Variants in CHSY3 observed in about 807,000 individuals in gnomAD.
CHSY3 encodes N-acetylgalactosaminyl-proteoglycan 3-beta-glucuronosyltransferase 3.
Under a neutral mutation model 67.2 loss-of-function variants are expected in CHSY3, and 35 were observed. The ratio of observed to expected loss-of-function variants is 0.52; its 90% CI spans 0.40 to 0.69. The LOEUF is 0.69. Ranked by LOEUF, CHSY3 falls within the 30% of genes least tolerant of loss-of-function variation. The pLI is 0.00. For synonymous variants in CHSY3, 474 were observed against 434.7 expected, an observed-to-expected ratio of 1.09 and a Z score of -1.12; for missense variants, 1,069 against 1,138.5, an observed-to-expected ratio of 0.94 and a Z score of 0.88.
chr5:129,949,656 CAAGAA>C (rs1466303645), intron 2 of CHSY3, among the ~76,000 whole-genome samples: 2 of 152,004 alleles, frequency 1.3e-5, no homozygotes, highest in African/African-American at 4.8e-5. Flanking sequence ...GAGGACACTA[CAAGAA>C]AAGAAAACTA....
intron 2 of CHSY3, among the ~76,000 whole-genome samples, chr5:129,951,989 G>T (rs1762036443): frequency 6.6e-6 from 1 of 152,166 alleles, no homozygotes; most frequent in South Asian, 2.1e-4. Flanking sequence ...TAGGAAGAGG[G>T]AGCATCTATG....
chr5:130,028,937 C>A (rs1391415687), intron 2 of CHSY3, among the ~76,000 whole-genome samples: 1 of 151,588 alleles, frequency 6.6e-6, no homozygotes, highest in Admixed American at 6.6e-5. Context: ...GATTCCTCAC[C>A]ACCTCATATC....
At chr5:129,925,905 GTA>G (rs967685313) in intron 2 of CHSY3, among the ~76,000 whole-genome samples, 3 of 151,148 alleles carry the variant, frequency 2.0e-5, no homozygotes, top group African/African-American at 7.3e-5. Context: ...GTGTGTGCAT[GTA>G]TATATATATG....
intron 2 of CHSY3, among the ~76,000 whole-genome samples, chr5:130,077,486 CT>C (rs1412655135): frequency 6.6e-6 from 1 of 152,080 alleles, no homozygotes; most frequent in Admixed American, 6.6e-5. Flanking sequence ...GGACCTTTTC[CT>C]TATGGAGACG....
At chr5:129,977,806 G>A (rs1390819325) in intron 2 of CHSY3, among the ~76,000 whole-genome samples, 1 of 151,312 alleles carries the variant, frequency 6.6e-6, no homozygotes, top group Non-Finnish European at 1.5e-5. Context: ...AACATGTATG[G>A]AAATATTAAG....
At chr5:130,145,770 C>T (rs1255927062) in intron 2 of CHSY3, among the ~76,000 whole-genome samples, 2 of 151,384 alleles carry the variant, frequency 1.3e-5, no homozygotes, top group East Asian at 3.9e-4. Flanking sequence ...ACTAAATTAC[C>T]CCATTAAAAA....
chr5:129,912,392 C>T (rs931152696), intron 2 of CHSY3, among the ~76,000 whole-genome samples: 5 of 151,948 alleles, frequency 3.3e-5, no homozygotes, highest in African/African-American at 9.7e-5. Context: ...TCATGAACAC[C>T]CAGGGGCTTG....
intron 2 of CHSY3, among the ~76,000 whole-genome samples, chr5:130,003,039 T>C (rs116430873): frequency 1.7e-3 from 252 of 152,346 alleles, no homozygotes; most frequent in African/African-American, 5.9e-3. Context: ...ACTTCTCAGA[T>C]GACTTTCCTA....
At chr5:130,085,007 C>A (rs571059112) in intron 2 of CHSY3, among the ~76,000 whole-genome samples, 5 of 151,904 alleles carry the variant, frequency 3.3e-5, no homozygotes, top group African/African-American at 1.2e-4. Context: ...TTCATGTTAA[C>A]GCTGGTCAGC....
chr5:129,989,397 G>A lies in CHSY3; in HGVS notation c.1086+81037G>A, dbSNP rs1327952269. Among the ~76,000 whole-genome samples the A allele has an allele frequency of 5.9e-5, 9 of 151,882 alleles. No individual in the cohort carries two copies. In the South Asian group the frequency reaches 1.7e-3, roughly 28 times the overall value. On this transcript the variant is annotated intron_variant, in intron 2 of 2. Coordinates refer to ENST00000305031, the MANE Select transcript of CHSY3 (RefSeq NM_175856.5). The stretch of plus-strand genomic sequence containing the variant: ...CTGCCTCAGTCTCTCAAGTACCTGG[G>A]ATTACAGGCATGCACCACTGCCCCG...
chr5:130,115,085 T>G (rs1285039414), intron 2 of CHSY3, among the ~76,000 whole-genome samples: 1 of 98,596 alleles, frequency 1.0e-5, no homozygotes, highest in South Asian at 3.2e-4. Context: ...TGTTCAAAGG[T>G]TTTTTTTTTT....
chr5:130,028,488 C>T (rs1764614914), intron 2 of CHSY3, among the ~76,000 whole-genome samples: 1 of 152,150 alleles, frequency 6.6e-6, no homozygotes, highest in South Asian at 2.1e-4. Flanking sequence ...CCCTTCCTTA[C>T]ACCTTACACA....
intron 2 of CHSY3, among the ~76,000 whole-genome samples, chr5:129,911,956 T>C (rs1189386901): frequency 1.3e-5 from 2 of 152,102 alleles, no homozygotes; most frequent in Non-Finnish European, 2.9e-5. Context: ...CTTGGGAGGC[T>C]GAGGCAGGAG....
chr5:130,143,786 ATATATATATATATATATATGTGTG>A (rs1561557236), intron 2 of CHSY3, among the ~76,000 whole-genome samples: 287 of 28,036 alleles, frequency 0.01, 5 homozygotes, highest in East Asian at 0.06. Context: ...ATATATGTGT[ATATATATATATATATATATGTGTG>A]TATATATATA....
chr5:130,116,481 T>C (rs746840483), intron 2 of CHSY3, among the ~76,000 whole-genome samples: 51 of 152,256 alleles, frequency 3.3e-4, no homozygotes, highest in Admixed American at 7.9e-4. Flanking sequence ...GAAAGATTTG[T>C]GGGCAGTATT....
chr5:130,002,683 AGAT>A (rs1219624068), intron 2 of CHSY3, among the ~76,000 whole-genome samples: 1 of 152,224 alleles, frequency 6.6e-6, no homozygotes, highest in Middle Eastern at 3.2e-3. Flanking sequence ...TAACTATTTG[AGAT>A]GATGTCTATA....
intron 2 of CHSY3, among the ~76,000 whole-genome samples, chr5:130,126,472 A>T (rs1471359865): frequency 6.6e-6 from 1 of 152,054 alleles, no homozygotes; most frequent in African/African-American, 2.4e-5. Flanking sequence ...AATAGTGTCC[A>T]TTTGTCTTTT....
intron 2 of CHSY3, among the ~76,000 whole-genome samples, chr5:130,146,684 T>G (rs1769084247): frequency 6.6e-6 from 1 of 152,186 alleles, no homozygotes; most frequent in Non-Finnish European, 1.5e-5. Flanking sequence ...ATACACTGAT[T>G]TCATCATTAT....
At chr5:130,177,986 A>T (rs1407667213) in intron 2 of CHSY3, among the ~76,000 whole-genome samples, 2 of 149,634 alleles carry the variant, frequency 1.3e-5, no homozygotes, top group African/African-American at 2.5e-5. Context: ...TATTACCTTT[A>T]TTTTCCAACT....
Sources: allele counts gnomAD v4.1 joint callset (sites outside exome capture counted in the v4.1 genomes callset), GRCh38; gene constraint gnomAD v4.1.1; transcripts MANE v1.5; gene names NCBI Gene and HGNC (gene_info 2026-07-23, HGNC 2026-07-21).